The following TNNI3K variants were observed in gnomAD, a reference collection of about 807,000 sequenced individuals.
TNNI3K encodes the protein TNNI3 interacting kinase, also known as serine/threonine-protein kinase TNNI3K.
TNNI3K carries 140 observed loss-of-function variants against 114.5 expected under a neutral mutation model. The observed-to-expected ratio is 1.22, with a 90% CI of 1.07 to 1.41. TNNI3K has a LOEUF of 1.41. Among genes scored for constraint, TNNI3K ranks in the 40% most tolerant of loss-of-function variants. TNNI3K has a pLI of 0.00. For synonymous variants in TNNI3K, 347 were observed against 347.5 expected (o/e 1.00, Z 0.02); for missense variants, 1,125 against 1,007.6 (o/e 1.12, Z -1.58).
intron 17 of TNNI3K, among the ~76,000 whole-genome samples, chr1:74,394,280 G>A (rs909465681): frequency 6.6e-6 from 1 of 152,140 alleles, no homozygotes; most frequent in South Asian, 2.1e-4. Flanking sequence ...ATCTCTTTTA[G>A]TATTAAAAAT....
chr1:74,496,456 C>T (rs1669330611), intron 23 of TNNI3K, among the ~76,000 whole-genome samples: 1 of 151,906 alleles, frequency 6.6e-6, no homozygotes, highest in Admixed American at 6.6e-5. Context: ...TCCTATAGTC[C>T]CTACTAATGT....
At chr1:74,435,218 G>A (rs1666068981) in intron 17 of TNNI3K, among the ~76,000 whole-genome samples, 2 of 152,114 alleles carry the variant, frequency 1.3e-5, no homozygotes, top group South Asian at 4.1e-4. Context: ...TAATTATGGG[G>A]AAGAGTAAGC....
chr1:74,381,916 A>G (rs1304302867), intron 17 of TNNI3K, among the ~76,000 whole-genome samples: 1 of 152,194 alleles, frequency 6.6e-6, no homozygotes, highest in Non-Finnish European at 1.5e-5. Context: ...GGGAAGTATC[A>G]TCAGAGGCAC....
At chr1:74,493,772 T>TA (rs1302824237) in intron 23 of TNNI3K, among the ~76,000 whole-genome samples, 3 of 152,184 alleles carry the variant, frequency 2.0e-5, no homozygotes, top group Non-Finnish European at 4.4e-5. Context: ...AGACAAAGGC[T>TA]AGTAACTCAA....
intron 9 of TNNI3K, among the ~76,000 whole-genome samples, chr1:74,344,033 T>C (rs17095167): frequency 0.01 from 1,543 of 152,308 alleles, 32 homozygotes; most frequent in African/African-American, 0.035. Context: ...AAAATTGTAT[T>C]TGAGGCTAAT....
In TNNI3K at chr1:74,271,479, CTT is replaced by C. The variant is rs1191501183; in HGVS notation, c.334-118_334-117del. ...ATGTGCTCTTATGCTAGAAATCACA[CTT>C]AAGTTTCCTTTGAGCACCTGAACTG... On this transcript the variant is annotated intron_variant, in intron 4 of 24. Transcript: ENST00000326637. 4.8e-5 allele frequency: 43 copies of C among 888,202 alleles called. No homozygotes were observed. The African/African-American group carries it at 7.1e-4, about 15-fold the overall frequency. 55.0% of individuals were successfully genotyped at this position (888,202 alleles called of 1,614,324 possible).
At chr1:74,328,914 A>G (rs1389834952) in intron 5 of TNNI3K, among the ~76,000 whole-genome samples, 2 of 152,088 alleles carry the variant, frequency 1.3e-5, no homozygotes, top group African/African-American at 4.8e-5. Context: ...AAAAAGCTTA[A>G]TCTACCTTGA....
rs756177984 is a variant in TNNI3K at position 74,544,010 on chromosome 1, T to A, written c.*28T>A. 12 of 1,595,882 alleles carry A rather than the reference T, an allele frequency of 7.5e-6. No individual in the cohort carries two copies. The highest frequency in any genetic ancestry group is 3.5e-5 in the Admixed American group (2 of 56,490). ...GCATTCGGCGTATACCTAAGGAGAGTTTTTTCCCCGAACTGACAGCAACGA... is the reference window on the plus strand; with the variant it reads ...GCATTCGGCGTATACCTAAGGAGAGATTTTTCCCCGAACTGACAGCAACGA... On this transcript the variant is annotated 3_prime_UTR_variant, in exon 25 of 25. Transcript: ENST00000326637.
intron 17 of TNNI3K, among the ~76,000 whole-genome samples, chr1:74,384,740 G>GA (rs1006541483): frequency 2.6e-5 from 4 of 151,900 alleles, no homozygotes; most frequent in African/African-American, 9.7e-5. Flanking sequence ...ATGTGAACCT[G>GA]AAAAAAACAG....
At chr1:74,479,600 A>G (rs1033534273) in intron 21 of TNNI3K, among the ~76,000 whole-genome samples, 9 of 152,188 alleles carry the variant, frequency 5.9e-5, no homozygotes, top group Admixed American at 2.6e-4. Flanking sequence ...TCATTTATTT[A>G]ACTACTATGC....
At chr1:74,433,869 A>G (rs1338690016) in intron 17 of TNNI3K, among the ~76,000 whole-genome samples, 1 of 151,998 alleles carries the variant, frequency 6.6e-6, no homozygotes, top group East Asian at 1.9e-4. Flanking sequence ...GCTCTTTCTC[A>G]CTGTGTATAT....
intron 17 of TNNI3K, among the ~76,000 whole-genome samples, chr1:74,419,314 A>G (rs1665282816): frequency 6.6e-6 from 1 of 152,116 alleles, no homozygotes; most frequent in Admixed American, 6.6e-5. Flanking sequence ...GGACCCATCC[A>G]GATAATCCAA....
Position 74,347,946 on chromosome 1 carries a change from T to A in TNNI3K, c.932+4767T>A, listed in dbSNP as rs140516750. The stretch of plus-strand genomic sequence containing the variant: ...CAAAAATTTTCTCCCATTCTATAGG[T>A]TGCCTGTTCACTCTGATGGTGGTTT... On this transcript the variant is annotated intron_variant, in intron 9 of 24. Transcript: ENST00000326637. Among the ~76,000 whole-genome samples, 961 of 152,320 alleles carry A rather than the reference T, an allele frequency of 6.3e-3. 11 individuals carry two copies. The highest frequency in any genetic ancestry group is 0.022 in the African/African-American group (920 of 41,564).
chr1:74,469,862 A>G (rs186884067), intron 21 of TNNI3K: 71 of 400,490 alleles, frequency 1.8e-4, no homozygotes, highest in African/African-American at 9.6e-4. Context: ...TTATTATTTG[A>G]GTTATTTTGT....
intron 20 of TNNI3K, among the ~76,000 whole-genome samples, chr1:74,462,886 G>A (rs2100721138): frequency 6.6e-6 from 1 of 152,266 alleles, no homozygotes; most frequent in Non-Finnish European, 1.5e-5. Flanking sequence ...GATGTGAAGT[G>A]TCCAACAGAG....
chr1:74,542,462 A>G (rs896825804), intron 24 of TNNI3K, among the ~76,000 whole-genome samples: 2 of 152,220 alleles, frequency 1.3e-5, no homozygotes, highest in African/African-American at 2.4e-5. Flanking sequence ...AGATCTGCTG[A>G]TATGTATCCT....
At chr1:74,378,594 TTATATATATATATA>T (rs58113455) in intron 17 of TNNI3K, 1,422 of 77,908 alleles carry the variant, frequency 0.018, 34 homozygotes, top group Non-Finnish European at 0.029. Context: ...CAGTTTAATT[TTATATATATATATA>T]TATATATATA....
At chr1:74,463,015 G>A (rs1667515541) in intron 20 of TNNI3K, among the ~76,000 whole-genome samples, 1 of 152,186 alleles carries the variant, frequency 6.6e-6, no homozygotes, top group Non-Finnish European at 1.5e-5. Context: ...CAGGTGCTAT[G>A]AGAAGTGCAA....
chr1:74,378,925 G>T (rs942754113), intron 17 of TNNI3K: 2 of 151,434 alleles, frequency 1.3e-5, no homozygotes, highest in African/African-American at 4.9e-5. Flanking sequence ...AGGCTGATCT[G>T]GATTTGCATG....
Sources: allele counts gnomAD v4.1 joint callset (sites outside exome capture counted in the v4.1 genomes callset), GRCh38; gene constraint gnomAD v4.1.1; transcripts MANE v1.5; gene names NCBI Gene and HGNC (gene_info 2026-07-23, HGNC 2026-07-21).